The following DLGAP2 variants were observed in gnomAD, a reference collection of about 807,000 sequenced individuals.
The protein encoded by DLGAP2 is disks large-associated protein 2.
In DLGAP2, 26 loss-of-function variants were observed where a neutral mutation model predicts 100.3. That is an observed-to-expected ratio of 0.26 (90% CI 0.19 to 0.36). The LOEUF (loss-of-function observed/expected upper bound fraction) is 0.36, where lower values mean the gene tolerates loss of function less well. Ranked by LOEUF, DLGAP2 falls within the 10% of genes least tolerant of loss-of-function variation. The pLI is 1.00. For missense variants in DLGAP2, 1,858 were observed against 1,453.2 expected (o/e 1.28, Z -4.53); for synonymous variants, 886 against 630.1 (o/e 1.41, Z -6.08).
At chr8:1,095,688 C>G (rs1804345269) in intron 2 of DLGAP2, among the ~76,000 whole-genome samples, 1 of 152,154 alleles carries the variant, frequency 6.6e-6, no homozygotes, top group Non-Finnish European at 1.5e-5. Context: ...TTATCAGGTC[C>G]CAGGCCAAAA....
chr8:1,438,576 A>C (rs1416644507), intron 3 of DLGAP2, among the ~76,000 whole-genome samples: 1 of 152,224 alleles, frequency 6.6e-6, no homozygotes, highest in Non-Finnish European at 1.5e-5. Flanking sequence ...CTGATATCGA[A>C]AATATTTTAG....
intron 3 of DLGAP2, among the ~76,000 whole-genome samples, chr8:1,337,381 G>GTGATGGTGAGAA (rs1801304804): frequency 6.1e-4 from 1 of 1,638 alleles, no homozygotes; most frequent in Non-Finnish European, 1.5e-3. Context: ...GATGATGATG[G>GTGATGGTGAGAA]TGATGGTGAG....
chr8:757,065 G>A (rs139640730), intron 1 of DLGAP2, among the ~76,000 whole-genome samples: 1 of 152,236 alleles, frequency 6.6e-6, no homozygotes, highest in Non-Finnish European at 1.5e-5. Flanking sequence ...CCGCCATGGG[G>A]CCTTTGCACA....
At chr8:839,721 C>G (rs17752267) in intron 1 of DLGAP2, among the ~76,000 whole-genome samples, 19,160 of 152,210 alleles carry the variant, frequency 0.13, 1,364 homozygotes, top group East Asian at 0.23. Flanking sequence ...TGCCCCTGTC[C>G]TGATGCTCAT....
At chr8:949,140 T>TA (rs1164120902) in intron 2 of DLGAP2, among the ~76,000 whole-genome samples, 3 of 152,150 alleles carry the variant, frequency 2.0e-5, no homozygotes, top group Non-Finnish European at 4.4e-5. Context: ...TATTTAGAGA[T>TA]ACAGCTGAAG....
Position 1,691,641 on chromosome 8 carries a change from AGTGAACCCCTG to A in DLGAP2, c.2796+16_2796+26del. On this transcript the variant is annotated intron_variant, in intron 13 of 14. Transcript: ENST00000637795. ...AACAGAATATGGTAAGTGAATCCTC[AGTGAACCCCTG>A]TTCCCTGTAACCAAGCTAATGGGCA... is the stretch of plus-strand genomic sequence containing the variant. 1 of 1,603,926 alleles carries A rather than the reference AGTGAACCCCTG, an allele frequency of 6.2e-7. No individual in the cohort carries two copies. The highest frequency in any genetic ancestry group is 1.1e-5 in the South Asian group (1 of 90,438).
intron 3 of DLGAP2, among the ~76,000 whole-genome samples, chr8:1,416,782 G>T (rs893002688): frequency 1.3e-5 from 2 of 152,202 alleles, no homozygotes; most frequent in African/African-American, 4.8e-5. Flanking sequence ...CCTGGGGGCG[G>T]AATGTGGCTC....
At chr8:1,570,768 G>A (rs892021835) in intron 6 of DLGAP2, among the ~76,000 whole-genome samples, 2 of 149,162 alleles carry the variant, frequency 1.3e-5, no homozygotes, top group African/African-American at 2.5e-5. Context: ...GGGGTGAACT[G>A]CGGGGGTGTC....
Position 1,475,981 on chromosome 8 carries a change from T to A in DLGAP2, c.107-25385T>A, listed in dbSNP as rs9314428. On this transcript the variant is annotated intron_variant, in intron 3 of 14. Transcript: ENST00000637795. ...TGTAGTTACTCTTCTCAAGTTTAAT[T>A]TTGCTGGAGGCAGAGCTGGCCAACA... 2.6e-3 allele frequency among the ~76,000 whole-genome samples: 388 copies of A among 152,116 alleles called. 4 individuals carry two copies. The highest frequency in any genetic ancestry group is 3.1e-3 in the Non-Finnish European group (208 of 67,994).
Position 1,076,909 on chromosome 8 carries a change from C to A in DLGAP2, c.73+168943C>A, listed in dbSNP as rs544818237. Among the ~76,000 whole-genome samples, 12 of 147,088 alleles carry A rather than the reference C, an allele frequency of 8.2e-5. No homozygotes were observed. In the South Asian group the frequency reaches 1.6e-3, roughly 20 times the overall value. ...GGAGGAGGAGTCTGTCCCGGCCCCCCCCAAGACCAAGAGGAGGAGGAGGAG... is the reference window on the plus strand; with the variant it reads ...GGAGGAGGAGTCTGTCCCGGCCCCCACCAAGACCAAGAGGAGGAGGAGGAG... On this transcript the variant is annotated intron_variant, in intron 2 of 14. Coordinates refer to ENST00000637795, the MANE Select transcript of DLGAP2 (RefSeq NM_001346810.2).
Position 1,548,714 on chromosome 8 carries a change from T to C in DLGAP2, c.261T>C (p.Ser87=). 2 of 1,607,050 alleles carry C rather than the reference T, an allele frequency of 1.2e-6. No homozygotes were observed. Among genetic ancestry groups the C allele is most frequent in the East Asian group, 2.2e-5 (1 of 44,714 alleles). The part of the protein sequence containing the change: ...APRSMKGLSG[S]RTQPPLCSGH... ...GGAGCATGAAGGGCCTTTCCGGAAG[T>C]CGGACCCAGCCGCCGCTGTGTTCCG... The change falls in exon 5 of 15, where the codon AGT becomes AGC. Residue 87 remains serine (S), a synonymous_variant. Coordinates refer to ENST00000637795, the MANE Select transcript of DLGAP2 (RefSeq NM_001346810.2).
At chr8:960,241 T>TTTTTTTTTTTTTTTTTTTTC (rs1799693349) in intron 2 of DLGAP2, among the ~76,000 whole-genome samples, 1 of 119,092 alleles carries the variant, frequency 8.4e-6, no homozygotes, top group East Asian at 2.6e-4. Context: ...GTATATCTTT[T>TTTTTTTTTTTTTTTTTTTTC]TTTTTTTTTT....
intron 1 of DLGAP2, among the ~76,000 whole-genome samples, chr8:820,163 A>G (rs886567897): frequency 1.3e-5 from 2 of 152,254 alleles, no homozygotes; most frequent in Admixed American, 6.5e-5. Context: ...CTGGTTATCC[A>G]TTGGAGAAAA....
intron 2 of DLGAP2, among the ~76,000 whole-genome samples, chr8:969,355 G>C (rs992496533): frequency 2.0e-5 from 3 of 152,040 alleles, no homozygotes; most frequent in African/African-American, 7.2e-5. Context: ...CTCCATGCGC[G>C]AGTGAGCCAA....
intron 2 of DLGAP2, among the ~76,000 whole-genome samples, chr8:909,098 A>G (rs1487463855): frequency 6.6e-6 from 1 of 152,158 alleles, no homozygotes; most frequent in African/African-American, 2.4e-5. Context: ...TCTTCTTGAG[A>G]ATGAGGAACT....
chr8:1,416,913 T>A (rs1401406179), intron 3 of DLGAP2, among the ~76,000 whole-genome samples: 2 of 152,124 alleles, frequency 1.3e-5, no homozygotes, highest in African/African-American at 4.8e-5. Flanking sequence ...TTGCAAAGAA[T>A]GCGCTTTTGT....
At chr8:1,450,553 G>T (rs1003040979) in intron 3 of DLGAP2, among the ~76,000 whole-genome samples, 1 of 152,040 alleles carries the variant, frequency 6.6e-6, no homozygotes, top group Admixed American at 6.6e-5. Flanking sequence ...GCACTGCGGG[G>T]CTGGCAGGAC....
intron 2 of DLGAP2, among the ~76,000 whole-genome samples, chr8:1,119,620 C>T (rs1043948639): frequency 1.3e-4 from 20 of 152,244 alleles, no homozygotes; most frequent in South Asian, 2.1e-4. Flanking sequence ...ACAGCACACA[C>T]GCTGTTTCCT....
At chr8:1,322,297 A>G (rs949903765) in intron 3 of DLGAP2, among the ~76,000 whole-genome samples, 6 of 152,248 alleles carry the variant, frequency 3.9e-5, no homozygotes, top group Admixed American at 3.3e-4. Flanking sequence ...TACTGAAAAA[A>G]CTTCGAAATC....
Sources: gnomAD v4.1 joint callset for allele counts (sites outside exome capture counted in the v4.1 genomes callset) on GRCh38, gnomAD v4.1.1 for gene constraint, MANE v1.5 for transcripts, NCBI Gene and HGNC (gene_info 2026-07-23, HGNC 2026-07-21) for gene names.